Variants in WDR25 observed in about 807,000 individuals in gnomAD.
The protein encoded by WDR25 is WD repeat-containing protein 25.
WDR25 carries 35 observed loss-of-function variants against 47.7 expected under a neutral mutation model. The observed-to-expected ratio is 0.73, with a 90% CI of 0.56 to 0.97. The LOEUF (loss-of-function observed/expected upper bound fraction) is 0.97. WDR25 is among the 50% of genes least tolerant of loss of function. The pLI is 0.00. For synonymous variants in WDR25, 248 were observed against 278.9 expected (o/e 0.89, Z 1.10); for missense variants, 634 against 704.7 (o/e 0.90, Z 1.14).
chr14:100,522,526 G>A (rs1457543355), intron 4 of WDR25, among the ~76,000 whole-genome samples: 1 of 152,172 alleles, frequency 6.6e-6, no homozygotes, highest in Non-Finnish European at 1.5e-5. Flanking sequence ...AGAAGACAAT[G>A]CATTTATTAT....
At position 100,381,541 on chromosome 14, in the gene WDR25, G is replaced by T. The variant is rs146976933; in HGVS notation, c.617G>T (p.Arg206Leu). Residue 206 changes from arginine to leucine, a missense_variant, in exon 2 of 7, where the codon CGT becomes CTT. Physicochemically the swap from Arg to Leu is moderately radical, Grantham distance 102. Coordinates refer to ENST00000402312, the MANE Select transcript of WDR25 (RefSeq NM_001161476.3). ...GAGCCACAGGGGCCCCCTGCAGGGC[G>T]TGCCCCAGCCCCTCTCTACGTGGGC... ...DVEPQGPPAG[R>L]APAPLYVGPG... 1 of 1,613,682 alleles carries T rather than the reference G, an allele frequency of 6.2e-7. No individual in the cohort carries two copies. The highest frequency in any genetic ancestry group is 1.1e-5 in the South Asian group (1 of 91,044).
At chr14:100,377,604 C>G (rs1485071601) in intron 1 of WDR25, among the ~76,000 whole-genome samples, 1 of 152,066 alleles carries the variant, frequency 6.6e-6, no homozygotes, top group African/African-American at 2.4e-5. Flanking sequence ...GCCACCGCGC[C>G]CGGTCGTTTT....
intron 3 of WDR25, among the ~76,000 whole-genome samples, chr14:100,473,865 C>G (rs1566927651): frequency 6.6e-6 from 1 of 152,174 alleles, no homozygotes; most frequent in Non-Finnish European, 1.5e-5. Flanking sequence ...TGGAGTTTCG[C>G]TAGCGTAGCT....
At chr14:100,450,416 A>C (rs1898988432) in intron 2 of WDR25, among the ~76,000 whole-genome samples, 2 of 152,234 alleles carry the variant, frequency 1.3e-5, no homozygotes, top group African/African-American at 4.8e-5. Flanking sequence ...CACAGCACTG[A>C]TCTGAGTGAG....
chr14:100,490,482 A>G (rs1184192090), intron 4 of WDR25, among the ~76,000 whole-genome samples: 2 of 152,242 alleles, frequency 1.3e-5, no homozygotes, highest in Non-Finnish European at 2.9e-5. Flanking sequence ...GATGATAGTA[A>G]TAGGAACTGG....
chr14:100,431,276 T>G (rs766897876), intron 2 of WDR25, among the ~76,000 whole-genome samples: 6 of 152,216 alleles, frequency 3.9e-5, no homozygotes, highest in Non-Finnish European at 8.8e-5. Flanking sequence ...CTAAAGGATT[T>G]CTCTAGAATC....
chr14:100,494,525 G>A (rs117669768), intron 4 of WDR25, among the ~76,000 whole-genome samples: 4,290 of 152,300 alleles, frequency 0.028, 105 homozygotes, highest in Non-Finnish European at 0.039. Context: ...TAGGTAAAAG[G>A]AACTGCTATA....
intron 1 of WDR25, among the ~76,000 whole-genome samples, chr14:100,379,100 T>G (rs1194593209): frequency 2.0e-5 from 3 of 151,918 alleles, no homozygotes; most frequent in Admixed American, 2.0e-4. Context: ...CGTCTTTTGA[T>G]TTCAGTATTT....
chr14:100,443,548 C>T (rs560415372), intron 2 of WDR25, among the ~76,000 whole-genome samples: 6 of 152,304 alleles, frequency 3.9e-5, no homozygotes, highest in East Asian at 3.9e-4. Context: ...CGATTGTTCC[C>T]TCTGATTTTG....
chr14:100,528,029 C>T (rs2030269422), intron 5 of WDR25, among the ~76,000 whole-genome samples: 2 of 152,172 alleles, frequency 1.3e-5, no homozygotes, highest in Admixed American at 1.3e-4. Context: ...CCACTTACCT[C>T]CTCACTTACT....
Position 100,458,041 on chromosome 14 carries a change from G to T in WDR25, c.823-9980G>T, listed in dbSNP as rs148188539. Reference sequence around the variant, plus strand: ...CAGATGGGATAAAAACAAATAACAAGATTTAAACCCAAACCATATCAATTA... The same window carrying T: ...CAGATGGGATAAAAACAAATAACAATATTTAAACCCAAACCATATCAATTA... On this transcript the variant is annotated intron_variant, in intron 2 of 6. Coordinates refer to ENST00000402312, the MANE Select transcript of WDR25 (RefSeq NM_001161476.3). 1.2e-3 allele frequency among the ~76,000 whole-genome samples: 177 copies of T among 152,194 alleles called. 1 individual carries two copies. Among genetic ancestry groups the T allele is most frequent in the African/African-American group, 4.1e-3 (169 of 41,518 alleles).
Position 100,380,916 on chromosome 14 carries a change from T to TG in WDR25, c.-7dup. 6.2e-7 allele frequency: 1 copy of TG among 1,607,538 alleles called. No homozygotes were observed. The highest frequency in any genetic ancestry group is 8.5e-7 in the Non-Finnish European group (1 of 1,174,584). On this transcript the variant is annotated 5_prime_UTR_variant, in exon 2 of 7. Transcript: ENST00000402312. ...TGACCTTGTTTGATCTTAGGTGGTT[T>TG]GGCTTTGAATGACAGCAAGAACTCT...
intron 2 of WDR25, among the ~76,000 whole-genome samples, chr14:100,460,559 T>G (rs1899376965): frequency 6.6e-6 from 1 of 152,210 alleles, no homozygotes; most frequent in Admixed American, 6.5e-5. Context: ...TGAACTATAA[T>G]GTTAATGACT....
At chr14:100,496,326 A>G (rs1432943292) in intron 4 of WDR25, among the ~76,000 whole-genome samples, 2 of 152,058 alleles carry the variant, frequency 1.3e-5, no homozygotes, top group Non-Finnish European at 2.9e-5. Flanking sequence ...TTTTCTTTTG[A>G]TATTTTTAGA....
chr14:100,529,102 C>G lies in WDR25; in HGVS notation c.1307C>G (p.Pro436Arg), dbSNP rs201375866. 21 of 1,573,982 alleles carry G rather than the reference C, an allele frequency of 1.3e-5. No individual in the cohort carries two copies. The highest frequency in any genetic ancestry group is 2.6e-6 in the Non-Finnish European group (3 of 1,152,488). The change falls in exon 6 of 7, where the codon CCG becomes CGG. Residue 436 changes from proline (P) to arginine (R), a missense_variant. Physicochemically the swap from Pro to Arg is moderately radical, Grantham distance 103. Transcript: ENST00000402312. This position sits in a 1 kb window ranked among gnomAD's most constrained non-coding sequence, Gnocchi z 5.1. ...RFTCPSLALH[P>R]REPVFLAQTN... ...ACCTGCCCCAGCCTCGCCTTGCACC[C>G]GAGAGAGCCCGTGTTCCTGGCACAG... is the stretch of plus-strand genomic sequence containing the variant.
intron 3 of WDR25, among the ~76,000 whole-genome samples, chr14:100,472,704 G>A (rs1393027240): frequency 6.6e-6 from 1 of 152,252 alleles, no homozygotes; most frequent in African/African-American, 2.4e-5. Context: ...GGGGCAGACT[G>A]GGAGGAGGCC....
intron 4 of WDR25, among the ~76,000 whole-genome samples, chr14:100,507,859 C>A (rs1226511806): frequency 6.6e-6 from 1 of 152,094 alleles, no homozygotes; most frequent in Non-Finnish European, 1.5e-5. Context: ...TGAATAATAT[C>A]ATCTGTGAAG....
At chr14:100,517,112 T>TG (rs1353261843) in intron 4 of WDR25, among the ~76,000 whole-genome samples, 2 of 142,272 alleles carry the variant, frequency 1.4e-5, no homozygotes, top group African/African-American at 5.3e-5. Flanking sequence ...CTCTGTTTTT[T>TG]TTTTTTTTTT....
At chr14:100,471,868 A>G (rs34946754) in intron 3 of WDR25, among the ~76,000 whole-genome samples, 7,906 of 152,272 alleles carry the variant, frequency 0.052, 305 homozygotes, top group Non-Finnish European at 0.077. Context: ...CTTGCTCACA[A>G]TTATTTTTGG....
Sources: gnomAD v4.1 joint callset for allele counts (sites outside exome capture counted in the v4.1 genomes callset) on GRCh38, gnomAD v4.1.1 for gene constraint, Gnocchi (gnomAD v3.1) non-coding constraint, MANE v1.5 for transcripts, NCBI Gene and HGNC (gene_info 2026-07-23, HGNC 2026-07-21) for gene names.